PTPRM: variants seen among roughly 807,000 people sequenced by gnomAD.
PTPRM encodes protein tyrosine phosphatase receptor type M, also known as receptor-type tyrosine-protein phosphatase mu.
In PTPRM, 47 loss-of-function variants were observed where a neutral mutation model predicts 186.7. The observed-to-expected ratio is 0.25, with a 90% CI of 0.20 to 0.32. PTPRM has a LOEUF of 0.32. Ranked by LOEUF, PTPRM falls within the 10% of genes least tolerant of loss-of-function variation. The pLI, the probability that PTPRM is intolerant of heterozygous loss-of-function variation, is 1.00. For synonymous variants in PTPRM, 668 were observed against 674.9 expected (o/e 0.99, Z 0.16); for missense variants, 1,494 against 1,865.0 (o/e 0.80, Z 3.66).
intron 2 of PTPRM, among the ~76,000 whole-genome samples, chr18:7,797,590 G>A (rs907493262): frequency 3.3e-5 from 5 of 152,202 alleles, no homozygotes; most frequent in African/African-American, 1.2e-4. Flanking sequence ...AGATGCATGT[G>A]AACTCATGTG....
At chr18:8,193,144 G>GT (rs1201769781) in intron 14 of PTPRM, among the ~76,000 whole-genome samples, 1 of 152,186 alleles carries the variant, frequency 6.6e-6, no homozygotes, top group Non-Finnish European at 1.5e-5. Flanking sequence ...CTAAAACTAA[G>GT]TTGCAAATGG....
Position 7,908,899 on chromosome 18 carries a change from A to G in PTPRM, c.547+2316A>G, listed in dbSNP as rs191334892. On this transcript the variant is annotated intron_variant, in intron 4 of 32. Transcript: ENST00000580170. The stretch of plus-strand genomic sequence containing the variant: ...AGATCTTCTAATATGCACAAAGTTC[A>G]TGGACTCTGATTCACTTCTTACTAG... Among the ~76,000 whole-genome samples the G allele has an allele frequency of 5.9e-5, 9 of 152,332 alleles. No individual in the cohort carries two copies. The South Asian group carries it at 1.4e-3, about 25-fold the overall frequency.
At chr18:7,793,957 C>A (rs549734885) in intron 2 of PTPRM, among the ~76,000 whole-genome samples, 47 of 152,274 alleles carry the variant, frequency 3.1e-4, no homozygotes, top group African/African-American at 1.1e-3. Context: ...AAGAGCACAC[C>A]ACCAGACACT....
chr18:7,582,128 A>G (rs1329408357), intron 1 of PTPRM, among the ~76,000 whole-genome samples: 3 of 152,238 alleles, frequency 2.0e-5, no homozygotes, highest in Non-Finnish European at 4.4e-5. Flanking sequence ...TGTGTAACAA[A>G]GCACCTCAAA....
chr18:7,605,304 A>G (rs567115215), intron 1 of PTPRM, among the ~76,000 whole-genome samples: 2 of 152,322 alleles, frequency 1.3e-5, no homozygotes, highest in Non-Finnish European at 2.9e-5. Flanking sequence ...TTGCTGGAGT[A>G]TTAATAAATA....
intron 1 of PTPRM, among the ~76,000 whole-genome samples, chr18:7,771,686 A>T (rs762619544): frequency 8.3e-4 from 126 of 152,322 alleles, no homozygotes; most frequent in Non-Finnish European, 1.5e-3. Context: ...ACTAAGACAA[A>T]TCTAGAAAGC....
At chr18:7,845,022 G>A (rs2046524060) in intron 2 of PTPRM, among the ~76,000 whole-genome samples, 1 of 152,118 alleles carries the variant, frequency 6.6e-6, no homozygotes, top group Non-Finnish European at 1.5e-5. Flanking sequence ...TTTATAGACA[G>A]TACTGTTAAT....
chr18:7,767,314 T>A (rs748819664), intron 1 of PTPRM, among the ~76,000 whole-genome samples: 1 of 152,224 alleles, frequency 6.6e-6, no homozygotes, highest in Non-Finnish European at 1.5e-5. Flanking sequence ...TCAGTAGAGA[T>A]AAATTTGGTT....
Position 8,248,226 on chromosome 18 carries a change from G to C in PTPRM, c.2554+50G>C. 3 of 1,453,736 alleles carry C rather than the reference G, an allele frequency of 2.1e-6. No homozygotes were observed. In the South Asian group the frequency reaches 3.4e-5, roughly 17 times the overall value. 90.1% of individuals were successfully genotyped at this position (1,453,736 alleles called of 1,614,324 possible). ...GTTTATTGCAGGAGTAATTTAGAAA[G>C]TCAGTGACCACTCTGTAGGAGATTG... On this transcript the variant is annotated intron_variant, in intron 17 of 32. Coordinates refer to ENST00000580170, the MANE Select transcript of PTPRM (RefSeq NM_001105244.2).
At chr18:7,817,636 T>G (rs331417) in intron 2 of PTPRM, among the ~76,000 whole-genome samples, 9 of 152,276 alleles carry the variant, frequency 5.9e-5, no homozygotes, top group South Asian at 2.1e-4. Context: ...TATCATATTA[T>G]TCCATGAAAT....
At chr18:7,893,250 A>G (rs911128724) in intron 3 of PTPRM, among the ~76,000 whole-genome samples, 2 of 152,208 alleles carry the variant, frequency 1.3e-5, no homozygotes, top group African/African-American at 4.8e-5. Flanking sequence ...AAGAACAGTT[A>G]TTACAAGTAC....
chr18:8,383,960 G>A (rs1174208031), intron 29 of PTPRM, among the ~76,000 whole-genome samples: 1 of 152,184 alleles, frequency 6.6e-6, no homozygotes, highest in Non-Finnish European at 1.5e-5. Flanking sequence ...AGGGGACATG[G>A]CGACTGCCAT....
At chr18:8,303,064 A>G (rs1181269910) in intron 20 of PTPRM, among the ~76,000 whole-genome samples, 1 of 152,042 alleles carries the variant, frequency 6.6e-6, no homozygotes, top group Non-Finnish European at 1.5e-5. Context: ...CATTGGCAGG[A>G]GGAGGTGATC....
At chr18:8,232,042 G>A (rs930246712) in intron 14 of PTPRM, among the ~76,000 whole-genome samples, 1 of 152,118 alleles carries the variant, frequency 6.6e-6, no homozygotes, top group Non-Finnish European at 1.5e-5. Context: ...TAAGATCACA[G>A]CCTAGAACCT....
chr18:8,173,039 G>A (rs1008322574), intron 14 of PTPRM, among the ~76,000 whole-genome samples: 1 of 152,208 alleles, frequency 6.6e-6, no homozygotes, highest in Non-Finnish European at 1.5e-5. Flanking sequence ...GGGATTAGGA[G>A]TGGTAGAGAG....
chr18:8,026,121 G>A (rs2085557529), intron 7 of PTPRM, among the ~76,000 whole-genome samples: 2 of 152,224 alleles, frequency 1.3e-5, no homozygotes, highest in Non-Finnish European at 1.5e-5. Flanking sequence ...GGCACCTTTA[G>A]ATCAAAGTGC....
At chr18:8,190,817 C>CA (rs1315361861) in intron 14 of PTPRM, among the ~76,000 whole-genome samples, 1 of 152,044 alleles carries the variant, frequency 6.6e-6, no homozygotes, top group African/African-American at 2.4e-5. Context: ...TGGGGAAATA[C>CA]AAAAAACAAC....
chr18:7,892,995 A>G (rs2049159873), intron 3 of PTPRM, among the ~76,000 whole-genome samples: 1 of 152,214 alleles, frequency 6.6e-6, no homozygotes, highest in South Asian at 2.1e-4. Context: ...TGGGGAGTAC[A>G]CAAACATTCA....
chr18:8,201,459 T>C (rs148233320), intron 14 of PTPRM, among the ~76,000 whole-genome samples: 37 of 152,266 alleles, frequency 2.4e-4, no homozygotes, highest in African/African-American at 8.2e-4. Context: ...AAAACACTTA[T>C]GAATACCACA....
Sources: allele counts gnomAD v4.1 joint callset (sites outside exome capture counted in the v4.1 genomes callset), GRCh38; gene constraint gnomAD v4.1.1; transcripts MANE v1.5; gene names NCBI Gene and HGNC (gene_info 2026-07-23, HGNC 2026-07-21).